SUMF1: variants seen among roughly 807,000 people sequenced by gnomAD.
SUMF1 encodes the protein formylglycine-generating enzyme.
A neutral mutation model predicts 47.6 loss-of-function variants in SUMF1; 48 were observed. The observed-to-expected ratio is 1.01, with a 90% CI of 0.80 to 1.28. The LOEUF is 1.28. Ranked by LOEUF, SUMF1 falls within the 50% of genes most tolerant of loss-of-function variation. SUMF1 has a pLI of 0.00. For missense variants in SUMF1, 571 were observed against 485.4 expected, an observed-to-expected ratio of 1.18 and a Z score of -1.66; for synonymous variants, 230 against 192.1, an observed-to-expected ratio of 1.20 and a Z score of -1.63.
chr3:4,220,596 G>A (rs374164635), intron 8 of SUMF1, among the ~76,000 whole-genome samples: 2 of 151,890 alleles, frequency 1.3e-5, no homozygotes, highest in African/African-American at 4.8e-5. Flanking sequence ...TGGTGGTCAA[G>A]TGTTCTTGGA....
At chr3:4,245,586 T>A (rs911809266) in intron 8 of SUMF1, among the ~76,000 whole-genome samples, 1 of 152,142 alleles carries the variant, frequency 6.6e-6, no homozygotes, top group African/African-American at 2.4e-5. Context: ...ACAGCATATA[T>A]TGCTGCCTCA....
At chr3:4,078,941 G>T (rs780384972) in intron 8 of SUMF1, among the ~76,000 whole-genome samples, 1 of 151,972 alleles carries the variant, frequency 6.6e-6, no homozygotes, top group Non-Finnish European at 1.5e-5. Flanking sequence ...TGAAGAAGTC[G>T]CTGCAGAAGG....
chr3:4,461,156 AT>A (rs577649409), intron 1 of SUMF1, among the ~76,000 whole-genome samples: 195 of 152,344 alleles, frequency 1.3e-3, no homozygotes, highest in African/African-American at 4.6e-3. Flanking sequence ...TAAAAATGCT[AT>A]TTAATTTATA....
Position 4,466,968 on chromosome 3 carries a change from T to G in SUMF1, c.270+8A>C. 6.2e-7 allele frequency: 1 copy of G among 1,604,974 alleles called. No homozygotes were observed. The highest frequency in any genetic ancestry group is 8.5e-7 in the Non-Finnish European group (1 of 1,177,264). On this transcript the variant is annotated splice_region_variant and intron_variant, in intron 1 of 8. Coordinates refer to ENST00000272902, the MANE Select transcript of SUMF1 (RefSeq NM_182760.4). ...CCCCCACCCGCCTCGGAGGAATCGA[T>G]GGAGCACCTTTGAGTGCGCGAGTTG... is the stretch of plus-strand genomic sequence containing the variant.
intron 8 of SUMF1, among the ~76,000 whole-genome samples, chr3:4,367,133 G>A (rs934286500): frequency 1.3e-5 from 2 of 152,046 alleles, no homozygotes; most frequent in African/African-American, 4.8e-5. Context: ...CCCTACTGGG[G>A]GGGTGCCTCA....
At chr3:4,288,820 G>A (rs1320351449) in intron 8 of SUMF1, among the ~76,000 whole-genome samples, 2 of 148,638 alleles carry the variant, frequency 1.3e-5, no homozygotes, top group Non-Finnish European at 3.0e-5. Flanking sequence ...AAAAAAAATT[G>A]AACCTACAAA....
chr3:4,196,507 G>A (rs1293328150), intron 8 of SUMF1, among the ~76,000 whole-genome samples: 1 of 152,124 alleles, frequency 6.6e-6, no homozygotes, highest in African/African-American at 2.4e-5. Flanking sequence ...TACTAATATG[G>A]ATATCTGCAT....
At chr3:4,223,487 G>A (rs996501641) in intron 8 of SUMF1, among the ~76,000 whole-genome samples, 37 of 152,070 alleles carry the variant, frequency 2.4e-4, no homozygotes, top group African/African-American at 8.9e-4. Context: ...TGCCACCTTG[G>A]TTTTTCATCA....
At chr3:4,099,908 G>C (rs1692993172) in intron 8 of SUMF1, among the ~76,000 whole-genome samples, 1 of 151,640 alleles carries the variant, frequency 6.6e-6, no homozygotes, top group Non-Finnish European at 1.5e-5. Context: ...AAAAAAAGAT[G>C]TGTATACTGA....
intron 3 of SUMF1, among the ~76,000 whole-genome samples, chr3:4,435,334 C>A (rs370722520): frequency 5.9e-5 from 9 of 152,078 alleles, no homozygotes; most frequent in African/African-American, 2.2e-4. Flanking sequence ...GAAGACATAT[C>A]AACAGAAGGT....
At chr3:4,289,665 A>T (rs1697702584) in intron 8 of SUMF1, among the ~76,000 whole-genome samples, 1 of 152,146 alleles carries the variant, frequency 6.6e-6, no homozygotes, top group African/African-American at 2.4e-5. Flanking sequence ...TGTCAACTGG[A>T]TCTACCTTCT....
chr3:4,305,076 T>G (rs1698134511), intron 8 of SUMF1, among the ~76,000 whole-genome samples: 1 of 152,048 alleles, frequency 6.6e-6, no homozygotes, highest in East Asian at 1.9e-4. Flanking sequence ...TCAATAGAAA[T>G]GTTTAGGTTA....
chr3:4,298,255 A>G (rs534536806), intron 8 of SUMF1, among the ~76,000 whole-genome samples: 1 of 152,224 alleles, frequency 6.6e-6, no homozygotes, highest in South Asian at 2.1e-4. Flanking sequence ...TGGTCAATGA[A>G]AAGCAGTTGT....
intron 8 of SUMF1, among the ~76,000 whole-genome samples, chr3:4,221,353 G>A (rs753263627): frequency 2.0e-4 from 30 of 151,922 alleles, no homozygotes; most frequent in Non-Finnish European, 7.4e-5. Flanking sequence ...TCATAATGTA[G>A]CCAAAAGTGC....
chr3:4,162,357 T>G (rs531704847), intron 8 of SUMF1, among the ~76,000 whole-genome samples: 1 of 152,316 alleles, frequency 6.6e-6, no homozygotes, highest in East Asian at 1.9e-4. Flanking sequence ...CCACTGGCTC[T>G]GAGCCCAGCA....
At chr3:4,046,504 G>A (rs989216139) in intron 9 of SUMF1, among the ~76,000 whole-genome samples, 12 of 151,964 alleles carry the variant, frequency 7.9e-5, no homozygotes, top group African/African-American at 2.7e-4. Context: ...CCCCCATGTC[G>A]TCTCTTCTCC....
chr3:4,232,965 G>A (rs932575784), intron 8 of SUMF1, among the ~76,000 whole-genome samples: 1 of 152,062 alleles, frequency 6.6e-6, no homozygotes, highest in Non-Finnish European at 1.5e-5. Flanking sequence ...GAATCCACGG[G>A]TCTCACCAGG....
intron 8 of SUMF1, among the ~76,000 whole-genome samples, chr3:4,081,633 A>G (rs1692562048): frequency 6.6e-6 from 1 of 152,134 alleles, no homozygotes. Flanking sequence ...GACCATGGCC[A>G]GGTTACTTCA....
intron 8 of SUMF1, among the ~76,000 whole-genome samples, chr3:4,185,474 T>G (rs1460884450): frequency 6.6e-6 from 1 of 152,222 alleles, no homozygotes; most frequent in African/African-American, 2.4e-5. Flanking sequence ...AATGCTTTTA[T>G]GCTTTCTGTC....
Sources: allele counts gnomAD v4.1 joint callset (sites outside exome capture counted in the v4.1 genomes callset), GRCh38; gene constraint gnomAD v4.1.1; transcripts MANE v1.5; gene names NCBI Gene and HGNC (gene_info 2026-07-23, HGNC 2026-07-21).